The following ARHGAP18 variants were observed in gnomAD, a reference collection of about 807,000 sequenced individuals.
ARHGAP18 encodes Rho GTPase activating protein 18.
In ARHGAP18, 67 loss-of-function variants were observed where a neutral mutation model predicts 86.2. The observed-to-expected ratio is 0.78, with a 90% CI of 0.64 to 0.95. The LOEUF (loss-of-function observed/expected upper bound fraction) is 0.95. Among genes scored for constraint, ARHGAP18 ranks in the 40% least tolerant of loss-of-function variants. ARHGAP18 has a pLI of 0.00. For missense variants in ARHGAP18, 691 were observed against 780.4 expected (o/e 0.89, Z 1.37); for synonymous variants, 283 against 280.4 (o/e 1.01, Z -0.09).
At chr6:129,675,321 T>C (rs982616215) in intron 1 of ARHGAP18, among the ~76,000 whole-genome samples, 33 of 150,614 alleles carry the variant, frequency 2.2e-4, no homozygotes, top group African/African-American at 6.6e-4. Flanking sequence ...GAGGCAGAGC[T>C]TGCAGTGAAC....
At position 129,638,569 on chromosome 6, in the gene ARHGAP18, G is replaced by C; in HGVS notation, c.377C>G (p.Ser126Cys). 1 of 1,614,150 alleles carries C rather than the reference G, an allele frequency of 6.2e-7. No individual in the cohort carries two copies. ...EAGLSNLFGESAGDPQESIVF... is the reference protein window; with the variant it reads ...EAGLSNLFGECAGDPQESIVF... ...AATGCTTTCCTGTGGATCTCCAGCA[G>C]ACTCTCCGAAGAGATTGGATAAACC... The change falls in exon 3 of 15, where the codon TCT (serine) becomes TGT (cysteine). Residue 126 changes from serine (S) to cysteine (C), a missense_variant. By Grantham distance (112) the Ser-to-Cys change is moderately radical. Transcript: ENST00000368149.
At chr6:129,647,193 T>C (rs746432216) in intron 1 of ARHGAP18, among the ~76,000 whole-genome samples, 1 of 152,152 alleles carries the variant, frequency 6.6e-6, no homozygotes, top group Non-Finnish European at 1.5e-5. Context: ...GTCCATTATG[T>C]GTAAGGGGCA....
chr6:129,587,146 A>G (rs1393303675), intron 12 of ARHGAP18, among the ~76,000 whole-genome samples: 1 of 152,222 alleles, frequency 6.6e-6, no homozygotes, highest in African/African-American at 2.4e-5. Context: ...AAATGTCTCT[A>G]GAATAAAAGA....
chr6:129,668,852 G>A (rs775038432), intron 1 of ARHGAP18, among the ~76,000 whole-genome samples: 1 of 152,224 alleles, frequency 6.6e-6, no homozygotes, highest in Non-Finnish European at 1.5e-5. Flanking sequence ...GTCTGAGGCT[G>A]CAGGGAGAAT....
chr6:129,640,712 A>G (rs976193004), intron 2 of ARHGAP18, among the ~76,000 whole-genome samples: 1 of 152,208 alleles, frequency 6.6e-6, no homozygotes, highest in Admixed American at 6.5e-5. Context: ...ATCCTAAGTC[A>G]TTTAGTTAAG....
intron 12 of ARHGAP18, among the ~76,000 whole-genome samples, chr6:129,596,222 T>C (rs1010245331): frequency 2.0e-5 from 3 of 152,174 alleles, no homozygotes; most frequent in Admixed American, 6.6e-5. Flanking sequence ...CTTGCCCCAT[T>C]GCCCCTCTGA....
At chr6:129,592,133 T>A (rs1244780333) in intron 12 of ARHGAP18, among the ~76,000 whole-genome samples, 1 of 152,208 alleles carries the variant, frequency 6.6e-6, no homozygotes, top group Non-Finnish European at 1.5e-5. Context: ...TATGCAGTAT[T>A]AAAAATCAGG....
chr6:129,583,510 G>A (rs907985677), intron 13 of ARHGAP18, among the ~76,000 whole-genome samples: 1 of 152,002 alleles, frequency 6.6e-6, no homozygotes. Context: ...TCAAAGGCCT[G>A]GTTTTCCTCT....
At chr6:129,631,170 A>T (rs1449223495) in intron 4 of ARHGAP18, among the ~76,000 whole-genome samples, 2 of 152,164 alleles carry the variant, frequency 1.3e-5, no homozygotes, top group African/African-American at 2.4e-5. Context: ...GAGGAAAAAA[A>T]TGATTAGCCA....
chr6:129,655,688 G>A (rs1158981261), intron 1 of ARHGAP18, among the ~76,000 whole-genome samples: 1 of 151,998 alleles, frequency 6.6e-6, no homozygotes, highest in Non-Finnish European at 1.5e-5. Flanking sequence ...AGCCAGTTCC[G>A]TAAAGTAAAA....
intron 1 of ARHGAP18, among the ~76,000 whole-genome samples, chr6:129,702,335 C>T (rs1774725476): frequency 1.3e-5 from 2 of 152,148 alleles, no homozygotes; most frequent in Admixed American, 6.5e-5. Context: ...TTCCTCCTGC[C>T]CTAATCCATG....
chr6:129,629,264 TGTGTGTGC>T, intron 5 of ARHGAP18, 81 bp downstream of exon 5: 1 of 1,041,180 alleles, frequency 9.6e-7, no homozygotes, highest in East Asian at 2.6e-5. Flanking sequence ...TATATATATG[TGTGTGTGC>T]GTGTGTGTGT....
intron 3 of ARHGAP18, among the ~76,000 whole-genome samples, chr6:129,636,864 C>T (rs998253878): frequency 5.9e-5 from 9 of 152,204 alleles, no homozygotes; most frequent in Non-Finnish European, 1.3e-4. Flanking sequence ...CAACTTTGAC[C>T]TCAAGAACAC....
intron 1 of ARHGAP18, among the ~76,000 whole-genome samples, chr6:129,660,570 G>C (rs1773929301): frequency 1.3e-5 from 2 of 152,168 alleles, no homozygotes; most frequent in Non-Finnish European, 2.9e-5. Flanking sequence ...GTATGTTGGA[G>C]ACCCTTGCTA....
At chr6:129,692,827 C>T (rs1310910141) in intron 1 of ARHGAP18, among the ~76,000 whole-genome samples, 1 of 152,190 alleles carries the variant, frequency 6.6e-6, no homozygotes, top group East Asian at 1.9e-4. Flanking sequence ...CAAAGAGCTG[C>T]AGTGAGTTGA....
chr6:129,626,457 T>C (rs929986506), intron 5 of ARHGAP18, among the ~76,000 whole-genome samples: 1 of 151,962 alleles, frequency 6.6e-6, no homozygotes, highest in Admixed American at 6.6e-5. Context: ...ACTTTACTAT[T>C]GGACTATATA....
chr6:129,671,200 A>G (rs937255383), intron 1 of ARHGAP18, among the ~76,000 whole-genome samples: 1 of 152,216 alleles, frequency 6.6e-6, no homozygotes, highest in African/African-American at 2.4e-5. Context: ...AATATTAAGG[A>G]GAAATAAAGG....
chr6:129,603,945 G>A lies in ARHGAP18; in HGVS notation c.1365+1932C>T, dbSNP rs144782353. On this transcript the variant is annotated intron_variant, in intron 10 of 14. Transcript: ENST00000368149. Reference sequence around the variant, plus strand: ...TGTCCTTCAGATGACAACTGAAGGCGTGCTGCTAGCACTGGATAAGTCAGG... The same window carrying A: ...TGTCCTTCAGATGACAACTGAAGGCATGCTGCTAGCACTGGATAAGTCAGG... Among the ~76,000 whole-genome samples, 784 of 152,280 alleles carry A rather than the reference G, an allele frequency of 5.1e-3. 8 individuals are homozygous for A. Among genetic ancestry groups the A allele is most frequent in the African/African-American group, 0.018 (734 of 41,554 alleles).
chr6:129,679,397 A>G (rs1774287553), intron 1 of ARHGAP18, among the ~76,000 whole-genome samples: 1 of 152,244 alleles, frequency 6.6e-6, no homozygotes, highest in African/African-American at 2.4e-5. Flanking sequence ...TAGCCGGAAA[A>G]GCAGATTGGA....
Sources: gnomAD v4.1 joint callset for allele counts (sites outside exome capture counted in the v4.1 genomes callset) on GRCh38, gnomAD v4.1.1 for gene constraint, MANE v1.5 for transcripts, NCBI Gene and HGNC (gene_info 2026-07-23, HGNC 2026-07-21) for gene names.